Variants in OPRL1 observed in about 807,000 individuals in gnomAD.
The protein encoded by OPRL1 is nociceptin receptor.
Under a neutral mutation model 15.5 loss-of-function variants are expected in OPRL1, and 5 were observed. The ratio of observed to expected loss-of-function variants is 0.32; its 90% confidence interval spans 0.17 to 0.68. The LOEUF (loss-of-function observed/expected upper bound fraction) is 0.68, where lower values mean the gene tolerates loss of function less well. Among genes scored for constraint, OPRL1 ranks in the 30% least tolerant of loss-of-function variants. The probability of loss-of-function intolerance (pLI) is 0.72; values close to 1 mark genes in which losing one functional copy is unlikely to be tolerated. For missense variants in OPRL1, 406 were observed against 515.3 expected (o/e 0.79, Z 2.05); for synonymous variants, 223 against 230.2 (o/e 0.97, Z 0.28).
chr20:64,091,767 C>T (rs537228392), intron 1 of OPRL1, among the ~76,000 whole-genome samples, 199 bp from the exon 2 acceptor site: 97 of 151,950 alleles, frequency 6.4e-4, no homozygotes, highest in African/African-American at 2.1e-3. Flanking sequence ...CTGGCCTGTG[C>T]GTGTGTGTCT....
chr20:64,090,018 G>A lies in OPRL1; in HGVS notation c.-184-1948G>A, dbSNP rs2060104553. On this transcript the variant is annotated intron_variant, in intron 1 of 4. Transcript: ENST00000336866. The surrounding 1 kb of genome is among the most constrained non-coding windows in gnomAD (Gnocchi z 4.9). The stretch of plus-strand genomic sequence containing the variant: ...AGCTTTGCCTGGAGAGCGTGTTTGT[G>A]CATGTGTGTGTCCTCTGGGTGTCGG... Among the ~76,000 whole-genome samples, 1 of 152,218 alleles carries A rather than the reference G, an allele frequency of 6.6e-6. No individual in the cohort carries two copies. The highest frequency in any genetic ancestry group is 1.5e-5 in the Non-Finnish European group (1 of 68,040).
chr20:64,084,437 C>T (rs1442294974), intron 1 of OPRL1: 1 of 1,204,348 alleles, frequency 8.3e-7, no homozygotes, highest in Non-Finnish European at 1.0e-6. Context: ...TCGGCTGATC[C>T]TGCTCAGTCC....
At position 64,098,805 on chromosome 20, in the gene OPRL1, C is replaced by G; in HGVS notation, c.*6C>G. The G allele has an allele frequency of 6.3e-7, 1 of 1,580,856 alleles. No individual in the cohort carries two copies. The highest frequency in any genetic ancestry group is 2.2e-5 in the East Asian group (1 of 44,718). Reference sequence around the variant, plus strand: ...CGGTACCGCGGCCCGCATGACTAGGCGTGGACCTGCCCATGGTGCCTGTCA... The same window carrying G: ...CGGTACCGCGGCCCGCATGACTAGGGGTGGACCTGCCCATGGTGCCTGTCA... On this transcript the variant is annotated 3_prime_UTR_variant, in exon 5 of 5. Transcript: ENST00000336866.
At chr20:64,080,776 G>C (rs2059958594) in intron 1 of OPRL1, among the ~76,000 whole-genome samples, 1 of 152,148 alleles carries the variant, frequency 6.6e-6, no homozygotes, top group South Asian at 2.1e-4. Context: ...TGGCCCGGCT[G>C]TGTGCAGCTC....
At chr20:64,086,918 T>C (rs2060058807) in intron 1 of OPRL1, among the ~76,000 whole-genome samples, 1 of 150,998 alleles carries the variant, frequency 6.6e-6, no homozygotes, top group Non-Finnish European at 1.5e-5. Context: ...GGGGTGGGAG[T>C]GGGGAGGACA....
intron 1 of OPRL1, chr20:64,086,610 T>G (rs2060053978): frequency 5.1e-6 from 1 of 197,136 alleles, no homozygotes; most frequent in Admixed American, 4.6e-5. Context: ...GTAAGCTTTA[T>G]TAATGACTAC....
chr20:64,088,491 A>AGGGTCTGTGCAGAGTGG (rs2060075890), intron 1 of OPRL1, among the ~76,000 whole-genome samples: 1 of 144,798 alleles, frequency 6.9e-6, no homozygotes, highest in African/African-American at 2.6e-5. Flanking sequence ...GTACAGAGGG[A>AGGGTCTGTGCAGAGTGG]CCAAGATCTA....
rs566032526 is a variant in OPRL1, at chr20:64,090,644, A to G, written c.-184-1322A>G. Among the ~76,000 whole-genome samples the G allele has an allele frequency of 6.6e-6, 1 of 152,294 alleles. No homozygotes were observed. The highest frequency in any genetic ancestry group is 2.4e-5 in the African/African-American group (1 of 41,564). On this transcript the variant is annotated intron_variant, in intron 1 of 4. Coordinates refer to ENST00000336866, the MANE Select transcript of OPRL1 (RefSeq NM_182647.4). This position sits in a 1 kb window ranked among gnomAD's most constrained non-coding sequence, Gnocchi z 4.9. ...GACCTTTCATCTCAGTGGATCAGGC[A>G]TGGGACCCCCGTGCTGAGAAGGAGG...
In OPRL1 at chr20:64,083,293, G is replaced by T; in HGVS notation, c.-185+2941G>T. The T allele has an allele frequency of 8.1e-7, 1 of 1,239,484 alleles. No individual in the cohort carries two copies. Among genetic ancestry groups the T allele is most frequent in the Non-Finnish European group, 1.1e-6 (1 of 880,842 alleles). 76.8% of individuals were successfully genotyped at this position (1,239,484 alleles called of 1,614,324 possible). A position where few individuals can be genotyped will look rare whatever the true frequency, so the allele number is the denominator to read the frequency against. Reference sequence around the variant, plus strand: ...CCCCACTCTCTGTACCCTGATGTCTGTGAGGTGCATGGGAGAGGCAGCGTC... The same window carrying T: ...CCCCACTCTCTGTACCCTGATGTCTTTGAGGTGCATGGGAGAGGCAGCGTC... On this transcript the variant is annotated intron_variant, in intron 1 of 4. Transcript: ENST00000336866. This position sits in a 1 kb window ranked among gnomAD's most constrained non-coding sequence, Gnocchi z 4.9.
chr20:64,095,644 C>G (rs1304537728), intron 3 of OPRL1, among the ~76,000 whole-genome samples: 2 of 151,740 alleles, frequency 1.3e-5, no homozygotes, highest in African/African-American at 4.9e-5. Flanking sequence ...AAATGACTGA[C>G]AGCTGGAATG....
chr20:64,083,935 C>T lies in OPRL1; in HGVS notation c.-185+3583C>T, dbSNP rs1437917983. Reference sequence around the variant, plus strand: ...CGGGCAGCTCGAGCGACTGCGTCCACGGGCGCGGGTCGGGCATGCGGTACC... The same window carrying T: ...CGGGCAGCTCGAGCGACTGCGTCCATGGGCGCGGGTCGGGCATGCGGTACC... On this transcript the variant is annotated intron_variant, in intron 1 of 4. Coordinates refer to ENST00000336866, the MANE Select transcript of OPRL1 (RefSeq NM_182647.4). This position sits in a 1 kb window ranked among gnomAD's most constrained non-coding sequence, Gnocchi z 4.9. The T allele has an allele frequency of 9.6e-6, 14 of 1,455,784 alleles. No homozygotes were observed. The highest frequency in any genetic ancestry group is 1.3e-5 in the Non-Finnish European group (14 of 1,109,178). 90.2% of individuals were successfully genotyped at this position (1,455,784 alleles called of 1,614,324 possible). A position where few individuals can be genotyped will look rare whatever the true frequency, so the allele number is the denominator to read the frequency against.
rs769509443 is a variant in OPRL1, at chr20:64,083,055, G to A, written c.-185+2703G>A. 4.6e-5 allele frequency among the ~76,000 whole-genome samples: 7 copies of A among 152,132 alleles called. No homozygotes were observed. Among genetic ancestry groups the A allele is most frequent in the Admixed American group, 1.3e-4 (2 of 15,280 alleles). On this transcript the variant is annotated intron_variant, in intron 1 of 4. Transcript: ENST00000336866. The surrounding 1 kb of genome is among the most constrained non-coding windows in gnomAD (Gnocchi z 4.9). The stretch of plus-strand genomic sequence containing the variant: ...CCCCCTGGTGGGATGACTCGCACTC[G>A]AGACCACTGCAGCCTGAGGCTACCC...
Position 64,097,859 on chromosome 20 carries a change from C to A in OPRL1, c.291C>A (p.Asp97Glu), listed in dbSNP as rs1339499054. Residue 97 changes from aspartate to glutamate, a missense_variant, in exon 4 of 5, where the codon GAC becomes GAA. Physicochemically the swap from Asp to Glu is conservative, Grantham distance 45 (BLOSUM62 2). Transcript: ENST00000336866. The surrounding 1 kb of genome is among the most constrained non-coding windows in gnomAD (Gnocchi z 4.2). ...NIYIFNLALADTLVLLTLPFQ... is the reference protein window; with the variant it reads ...NIYIFNLALAETLVLLTLPFQ... ...ACATCTTTAACCTGGCCCTGGCCGA[C>A]ACTCTGGTCCTGCTGACGCTGCCCT... 42 of 1,613,620 alleles carry A rather than the reference C, an allele frequency of 2.6e-5. No homozygotes were observed. Among genetic ancestry groups the A allele is most frequent in the Non-Finnish European group, 3.6e-5 (42 of 1,179,996 alleles).
intron 3 of OPRL1, among the ~76,000 whole-genome samples, chr20:64,093,247 C>G (rs1978411431): frequency 1.3e-5 from 2 of 151,560 alleles, no homozygotes; most frequent in South Asian, 4.2e-4. Flanking sequence ...GTCAAGCTGT[C>G]TGCTTGAATG....
Position 64,098,010 on chromosome 20 carries a change from C to A in OPRL1, c.442C>A (p.Arg148Ser), listed in dbSNP as rs746548457. The A allele has an allele frequency of 1.2e-6, 2 of 1,613,606 alleles. No individual in the cohort carries two copies. The highest frequency in any genetic ancestry group is 1.7e-6 in the Non-Finnish European group (2 of 1,180,014). ...TFTLTAMSVD[R>S]YVAICHPIRA... The stretch of plus-strand genomic sequence containing the variant: ...CACCCTAACTGCCATGAGTGTGGAT[C>A]GCTATGTAGCCATCTGCCACCCCAT... The change falls in exon 4 of 5, where the codon CGC becomes AGC. Residue 148 changes from arginine to serine, a missense_variant. By Grantham distance (110) the Arg-to-Ser change is moderately radical (BLOSUM62 -1). Coordinates refer to ENST00000336866, the MANE Select transcript of OPRL1 (RefSeq NM_182647.4).
intron 1 of OPRL1, among the ~76,000 whole-genome samples, chr20:64,085,751 G>A (rs2060041213): frequency 6.6e-6 from 1 of 152,212 alleles, no homozygotes; most frequent in South Asian, 2.1e-4. Context: ...TTGGGAGTAG[G>A]GCTGTCCCAG....
chr20:64,085,027 G>C (rs2060028922), intron 1 of OPRL1: 1 of 152,250 alleles, frequency 6.6e-6, no homozygotes, highest in South Asian at 2.1e-4. Context: ...GACCAGGTGG[G>C]GCGGGTCGTG....
In OPRL1 at chr20:64,083,737, AGCCCCGCCCC is replaced by A. The variant is rs1331187235; in HGVS notation, c.-185+3397_-185+3406del. ...GGCCCGGGTAGCTGAGCGCGCGCCG[AGCCCCGCCCC>A]GCCCCGCCCCGGCCGGCTCCGCTCA... is the stretch of plus-strand genomic sequence containing the variant. On this transcript the variant is annotated intron_variant, in intron 1 of 4. Transcript: ENST00000336866. The surrounding 1 kb of genome is among the most constrained non-coding windows in gnomAD (Gnocchi z 4.9). 3.0e-6 allele frequency: 4 copies of A among 1,340,918 alleles called. No homozygotes were observed. Among genetic ancestry groups the A allele is most frequent in the South Asian group, 1.9e-5 (1 of 52,624 alleles). The allele number at this position is 1,340,918 out of a possible 1,614,324, so 83.1% of individuals were successfully genotyped here.
Position 64,097,786 on chromosome 20 carries a change from T to A in OPRL1, c.234-16T>A. ...GCATGGCCAAGTGAAGCCTTTCTTCTCCCTCTACTCCGCAGGCACACCAAA... is the reference window on the plus strand; with the variant it reads ...GCATGGCCAAGTGAAGCCTTTCTTCACCCTCTACTCCGCAGGCACACCAAA... On this transcript the variant is annotated splice_polypyrimidine_tract_variant and intron_variant, in intron 3 of 4. Transcript: ENST00000336866. The surrounding 1 kb of genome is among the most constrained non-coding windows in gnomAD (Gnocchi z 4.2). 1 of 1,603,404 alleles carries A rather than the reference T, an allele frequency of 6.2e-7. No individual in the cohort carries two copies. The highest frequency in any genetic ancestry group is 8.5e-7 in the Non-Finnish European group (1 of 1,172,112).
Sources: gnomAD v4.1 joint callset for allele counts (sites outside exome capture counted in the v4.1 genomes callset) on GRCh38, gnomAD v4.1.1 for gene constraint, Gnocchi (gnomAD v3.1) non-coding constraint, MANE v1.5 for transcripts, NCBI Gene and HGNC (gene_info 2026-07-23, HGNC 2026-07-21) for gene names.